ATP1A3: variants seen among roughly 807,000 people sequenced by gnomAD.
ATP1A3 encodes the protein ATPase Na+/K+ transporting subunit alpha 3, also known as sodium/potassium-transporting ATPase subunit alpha-3.
In ATP1A3, 12 loss-of-function variants were observed where a neutral mutation model predicts 108.8. The ratio of observed to expected loss-of-function variants is 0.11; its 90% CI spans 0.07 to 0.18. The LOEUF (loss-of-function observed/expected upper bound fraction) is 0.18, where lower values mean the gene tolerates loss of function less well. Among genes scored for constraint, ATP1A3 ranks in the 10% least tolerant of loss-of-function variants. The pLI is 1.00. For synonymous variants in ATP1A3, 539 were observed against 564.5 expected (o/e 0.95, Z 0.64); for missense variants, 498 against 1,387.7 (o/e 0.36, Z 10.19).
In ATP1A3 at chr19:41,983,921, C is replaced by A. The variant is rs2075261184; in HGVS notation, c.993+997G>T. Among the ~76,000 whole-genome samples, 5 of 147,882 alleles carry A rather than the reference C, an allele frequency of 3.4e-5. No homozygotes were observed. The South Asian group carries it at 8.6e-4, about 25-fold the overall frequency. On this transcript the variant is annotated intron_variant, in intron 8 of 22. Transcript: ENST00000648268. ...TCCTGAGTAGCTGGGATTCCAGGCA[C>A]CCATCACCACGCCTGGCTAATTTTT...
At position 41,968,523 on chromosome 19, in the gene ATP1A3, A is replaced by C. The variant is rs1451753614; in HGVS notation, c.2819+262T>G. ...GACTCTGTCTCTAAATAAATAAATA[A>C]AAATTAGCCATATATGATGGTGCAC... On this transcript the variant is annotated intron_variant, in intron 20 of 22. Coordinates refer to ENST00000648268, the MANE Select transcript of ATP1A3 (RefSeq NM_152296.5). This position sits in a 1 kb window ranked among gnomAD's most constrained non-coding sequence, Gnocchi z 5.0. Among the ~76,000 whole-genome samples the C allele has an allele frequency of 1.8e-4, 27 of 152,096 alleles. 2 individuals are homozygous for C.
Position 41,970,130 on chromosome 19 carries a change from C to T in ATP1A3, c.2542+55G>A, listed in dbSNP as rs184477319. The T allele has an allele frequency of 6.8e-6, 11 of 1,613,986 alleles. No individual in the cohort carries two copies. In the East Asian group the frequency reaches 2.0e-4, roughly 29 times the overall value. On this transcript the variant is annotated intron_variant, in intron 18 of 22. Coordinates refer to ENST00000648268, the MANE Select transcript of ATP1A3 (RefSeq NM_152296.5). Reference sequence around the variant, plus strand: ...TCCCAAGCACCCACGGTGGGCCAGGCACTGCTCTAGGCCCGGCACTGGGTG... The same window carrying T: ...TCCCAAGCACCCACGGTGGGCCAGGTACTGCTCTAGGCCCGGCACTGGGTG...
Position 41,968,292 on chromosome 19 carries a change from T to C in ATP1A3, c.2819+493A>G, listed in dbSNP as rs1239148553. 6.6e-6 allele frequency among the ~76,000 whole-genome samples: 1 copy of C among 152,098 alleles called. No homozygotes were observed. The highest frequency in any genetic ancestry group is 1.5e-5 in the Non-Finnish European group (1 of 68,004). On this transcript the variant is annotated intron_variant, in intron 20 of 22. Transcript: ENST00000648268. The surrounding 1 kb of genome is among the most constrained non-coding windows in gnomAD (Gnocchi z 5.0). Reference sequence around the variant, plus strand: ...ACTCTGGGAGGCTGAGGCAGGAAGATTGCCTGAGCTCAGGAGTTTGAGACC... The same window carrying C: ...ACTCTGGGAGGCTGAGGCAGGAAGACTGCCTGAGCTCAGGAGTTTGAGACC...
chr19:41,980,591 C>T (rs781836672), intron 11 of ATP1A3, among the ~76,000 whole-genome samples: 52 of 151,608 alleles, frequency 3.4e-4, no homozygotes, highest in Non-Finnish European at 5.4e-4. Flanking sequence ...TTAGCCTGGG[C>T]GACAGAGCAA....
At position 41,985,671 on chromosome 19, in the gene ATP1A3, G is replaced by A. The variant is rs138592090; in HGVS notation, c.606+193C>T. 1.3e-3 allele frequency among the ~76,000 whole-genome samples: 203 copies of A among 152,234 alleles called. 4 individuals are homozygous for A. Among genetic ancestry groups the A allele is most frequent in the African/African-American group, 4.7e-3 (195 of 41,534 alleles). On this transcript the variant is annotated intron_variant, in intron 6 of 22. Transcript: ENST00000648268. The surrounding 1 kb of genome is among the most constrained non-coding windows in gnomAD (Gnocchi z 8.2). ...AGGTGAGGGCTGGGCCTGGACTCCT[G>A]ACTGTTGGGTGAGGAGGTGGCCCAG...
rs2075093329 is a variant in ATP1A3, at chr19:41,970,596, T to TCTGCCC, written c.2264-60_2264-55dup. The TCTGCCC allele has an allele frequency of 1.4e-5, 21 of 1,528,168 alleles. No homozygotes were observed. The South Asian group carries it at 2.3e-4, about 17-fold the overall frequency. The allele number at this position is 1,528,168 out of a possible 1,614,324, so 94.7% of individuals were successfully genotyped here. On this transcript the variant is annotated intron_variant, in intron 16 of 22. Transcript: ENST00000648268. The stretch of plus-strand genomic sequence containing the variant: ...GCCCATGCCAGGGAGCCCCACTCCC[T>TCTGCCC]CTGCCCCTCCTCTGCCCTCATCCAA...
At chr19:41,974,468 T>C (rs1037865834) in intron 16 of ATP1A3, among the ~76,000 whole-genome samples, 1 of 152,108 alleles carries the variant, frequency 6.6e-6, no homozygotes, top group East Asian at 1.9e-4. Flanking sequence ...AAAAAAGATG[T>C]CTCTTGGGAG....
chr19:41,993,886 C>A (rs1555868156), intron 1 of ATP1A3, 185 bp downstream of exon 1: 13 of 1,138,384 alleles, frequency 1.1e-5, no homozygotes, highest in Non-Finnish European at 1.5e-5. Flanking sequence ...ACGTGCGCCA[C>A]AGACCCCCCG....
Position 41,968,678 on chromosome 19 carries a change from C to T in ATP1A3, c.2819+107G>A, listed in dbSNP as rs1247997759. 8 of 1,558,820 alleles carry T rather than the reference C, an allele frequency of 5.1e-6. No homozygotes were observed. Among genetic ancestry groups the T allele is most frequent in the African/African-American group, 1.4e-5 (1 of 73,780 alleles). ...GTGACAGAGTGAGACCCTGCCTCAA[C>T]AAAACAACAAAAAACCAAAGCAAGG... On this transcript the variant is annotated intron_variant, in intron 20 of 22. Coordinates refer to ENST00000648268, the MANE Select transcript of ATP1A3 (RefSeq NM_152296.5). This position sits in a 1 kb window ranked among gnomAD's most constrained non-coding sequence, Gnocchi z 5.0.
At chr19:41,984,640 T>G in intron 8 of ATP1A3, 1 of 423,682 alleles carries the variant, frequency 2.4e-6, no homozygotes, top group Non-Finnish European at 4.2e-6. Flanking sequence ...TCTCAAGATT[T>G]TTGTTTGTTT....
At chr19:41,982,455 A>T (rs1158431155) in intron 8 of ATP1A3, among the ~76,000 whole-genome samples, 1 of 152,058 alleles carries the variant, frequency 6.6e-6, no homozygotes, top group Non-Finnish European at 1.5e-5. Flanking sequence ...GTGAAACCCC[A>T]TCCCTACTAA....
At position 41,978,643 on chromosome 19, in the gene ATP1A3, G is replaced by C; in HGVS notation, c.1593C>G (p.Ala531=). The stretch of plus-strand genomic sequence containing the variant: ...CGCCCAGGCCACCGAGCTCAAGGTA[G>C]GCATTCTGGAAGGCCTCCTTCATTT... ...DEEMKEAFQN[A]YLELGGLGER... The change falls in exon 12 of 23, where the codon GCC becomes GCG. Residue 531 remains alanine (A), a synonymous_variant. Coordinates refer to ENST00000648268, the MANE Select transcript of ATP1A3 (RefSeq NM_152296.5). The surrounding 1 kb of genome is among the most constrained non-coding windows in gnomAD (Gnocchi z 8.3). 1 of 1,614,064 alleles carries C rather than the reference G, an allele frequency of 6.2e-7. No individual in the cohort carries two copies. Among genetic ancestry groups the C allele is most frequent in the East Asian group, 2.2e-5 (1 of 44,882 alleles).
intron 4 of ATP1A3, 56 bp from the exon 5 acceptor site, chr19:41,986,285 T>C: frequency 1.3e-6 from 2 of 1,560,986 alleles, no homozygotes; most frequent in East Asian, 4.5e-5. Flanking sequence ...TCTCCACCAG[T>C]CCCTGCTCGC....
chr19:41,969,067 C>G, intron 19 of ATP1A3, 152 bp from the exon 20 acceptor site: 1 of 1,203,580 alleles, frequency 8.3e-7, no homozygotes, highest in South Asian at 1.3e-5. Flanking sequence ...CTCATAGTCC[C>G]GAGGGAGGAG....
At position 41,988,228 on chromosome 19, in the gene ATP1A3, C is replaced by G; in HGVS notation, c.154-89G>C. The G allele has an allele frequency of 6.2e-7, 1 of 1,612,260 alleles. No individual in the cohort carries two copies. The highest frequency in any genetic ancestry group is 8.5e-7 in the Non-Finnish European group (1 of 1,178,392). On this transcript the variant is annotated intron_variant, in intron 3 of 22. Coordinates refer to ENST00000648268, the MANE Select transcript of ATP1A3 (RefSeq NM_152296.5). The surrounding 1 kb of genome is among the most constrained non-coding windows in gnomAD (Gnocchi z 5.3). The stretch of plus-strand genomic sequence containing the variant: ...AGACCCCCAGAACTTAAGACACCAG[C>G]CACAGCCCCTCCTCCCTCAGACCCA...
In ATP1A3 at chr19:41,985,475, G is replaced by A. The variant is rs782206414; in HGVS notation, c.607-52C>T. On this transcript the variant is annotated intron_variant, in intron 6 of 22. Transcript: ENST00000648268. The surrounding 1 kb of genome is among the most constrained non-coding windows in gnomAD (Gnocchi z 8.2). ...GTTCAGTCCAGGGCCTGGGACAGGA[G>A]GGTATTTGTGTACAGGGCTTGGGGC... 1 of 1,530,542 alleles carries A rather than the reference G, an allele frequency of 6.5e-7. No homozygotes were observed. The highest frequency in any genetic ancestry group is 1.4e-5 in the African/African-American group (1 of 73,244). The allele number at this position is 1,530,542 out of a possible 1,614,324, so 94.8% of individuals were successfully genotyped here. A position where few individuals can be genotyped will look rare whatever the true frequency, so the allele number is the denominator to read the frequency against.
chr19:41,985,284 GTCTTCTC>G lies in ATP1A3; in HGVS notation c.724+15_724+21del. ...ATCCCTGTGTCTGCCCCAGCTGTGT[GTCTTCTC>G]TGCACCCGCCTCACCTTCCACACAG... On this transcript the variant is annotated intron_variant, in intron 7 of 22. Coordinates refer to ENST00000648268, the MANE Select transcript of ATP1A3 (RefSeq NM_152296.5). This position sits in a 1 kb window ranked among gnomAD's most constrained non-coding sequence, Gnocchi z 8.2. 6.2e-7 allele frequency: 1 copy of G among 1,613,936 alleles called. No individual in the cohort carries two copies. Among genetic ancestry groups the G allele is most frequent in the Non-Finnish European group, 8.5e-7 (1 of 1,179,796 alleles).
At chr19:41,982,178 G>A (rs2075239804) in intron 8 of ATP1A3, 72 bp from the exon 9 acceptor site, 36 of 1,611,344 alleles carry the variant, frequency 2.2e-5, no homozygotes, top group Non-Finnish European at 2.8e-5. Context: ...CGACACGAGG[G>A]CCACAGCCCA....
chr19:41,975,588 G>C, intron 16 of ATP1A3, 41 bp downstream of exon 16: 2 of 1,612,848 alleles, frequency 1.2e-6, no homozygotes, highest in Non-Finnish European at 1.7e-6. Context: ...CAGGCCTCCG[G>C]TAGTGACCCT....
Sources: gnomAD v4.1 joint callset for allele counts (sites outside exome capture counted in the v4.1 genomes callset) on GRCh38, gnomAD v4.1.1 for gene constraint, Gnocchi (gnomAD v3.1) non-coding constraint, MANE v1.5 for transcripts, NCBI Gene and HGNC (gene_info 2026-07-23, HGNC 2026-07-21) for gene names.